Variants in DENND4A observed in about 807,000 individuals in gnomAD.
DENND4A encodes DENN domain containing 4A.
Under a neutral mutation model 199.3 loss-of-function variants are expected in DENND4A, and 70 were observed. The observed-to-expected ratio is 0.35, with a 90% confidence interval of 0.29 to 0.43. DENND4A has a LOEUF of 0.43. DENND4A is among the 20% of genes least tolerant of loss of function. The pLI is 1.00. For missense variants in DENND4A, 1,723 were observed against 2,255.8 expected, an observed-to-expected ratio of 0.76 and a Z score of 4.78; for synonymous variants, 686 against 766.9, an observed-to-expected ratio of 0.89 and a Z score of 1.74.
intron 23 of DENND4A, among the ~76,000 whole-genome samples, chr15:65,689,600 G>T (rs953642299): frequency 6.6e-6 from 1 of 152,156 alleles, no homozygotes; most frequent in Non-Finnish European, 1.5e-5. Context: ...TATTCCAACT[G>T]AGGCCCTCCT....
chr15:65,747,909 G>A (rs980760134), intron 4 of DENND4A, among the ~76,000 whole-genome samples: 16 of 151,254 alleles, frequency 1.1e-4, no homozygotes, highest in South Asian at 4.2e-4. Flanking sequence ...GCGTGGTGGC[G>A]CGCGCCTGTA....
chr15:65,681,678 C>T (rs556186577), intron 23 of DENND4A, among the ~76,000 whole-genome samples: 251 of 151,590 alleles, frequency 1.7e-3, no homozygotes, highest in African/African-American at 5.9e-3. Context: ...CAGATTCAAG[C>T]GATTCTCCCA....
rs376505993 is a variant in DENND4A at position 65,706,220 on chromosome 15, T to C, written c.1958A>G (p.Asp653Gly). The change falls in exon 15 of 33, where the codon GAT becomes GGT. Residue 653 changes from aspartate to glycine, a missense_variant. Asp to Gly is a moderately conservative substitution (Grantham distance 94). Coordinates refer to ENST00000443035, the MANE Select transcript of DENND4A (RefSeq NM_001320835.1). ...AFFDDCVDKV[D>G]MDKSGEVRLI... Reference sequence around the variant, plus strand: ...TCGTACTTCACCGCTCTTGTCCATATCCACCTAAAGGAGTTTTAAAAACAT... The same window carrying C: ...TCGTACTTCACCGCTCTTGTCCATACCCACCTAAAGGAGTTTTAAAAACAT... The C allele has an allele frequency of 1.3e-6, 2 of 1,557,494 alleles. No homozygotes were observed. Among genetic ancestry groups the C allele is most frequent in the East Asian group, 2.4e-5 (1 of 42,436 alleles).
At chr15:65,742,055 T>C (rs1323716383) in intron 4 of DENND4A, among the ~76,000 whole-genome samples, 2 of 152,228 alleles carry the variant, frequency 1.3e-5, no homozygotes, top group African/African-American at 2.4e-5. Flanking sequence ...CACAACCATT[T>C]AGATTTTATT....
intron 1 of DENND4A, among the ~76,000 whole-genome samples, chr15:65,770,922 C>T (rs1400708721): frequency 6.6e-6 from 1 of 152,140 alleles, no homozygotes; most frequent in Non-Finnish European, 1.5e-5. Flanking sequence ...TTTCTCAAGA[C>T]ATTTTAGTTA....
chr15:65,669,440 T>G (rs895513369), intron 27 of DENND4A, among the ~76,000 whole-genome samples: 14 of 152,344 alleles, frequency 9.2e-5, no homozygotes, highest in Admixed American at 7.2e-4. Flanking sequence ...AGTAGTAGTA[T>G]TGACTTAATT....
At chr15:65,687,003 A>G (rs2076807177) in intron 23 of DENND4A, among the ~76,000 whole-genome samples, 1 of 152,178 alleles carries the variant, frequency 6.6e-6, no homozygotes, top group African/African-American at 2.4e-5. Flanking sequence ...ATGCCTAGCC[A>G]AAGTCTGCCT....
chr15:65,672,887 C>T (rs2076259458), intron 24 of DENND4A, among the ~76,000 whole-genome samples: 1 of 146,286 alleles, frequency 6.8e-6, no homozygotes, highest in Admixed American at 6.8e-5. Context: ...TTTTTTGAGA[C>T]AGATCTCACT....
chr15:65,766,368 A>G (rs2076987154), intron 1 of DENND4A: 1 of 152,220 alleles, frequency 6.6e-6, no homozygotes, highest in Non-Finnish European at 1.5e-5. Context: ...ATTATACTTG[A>G]ACATAATTAA....
chr15:65,757,623 G>C (rs953124228), intron 2 of DENND4A, among the ~76,000 whole-genome samples: 1 of 152,120 alleles, frequency 6.6e-6, no homozygotes, highest in Non-Finnish European at 1.5e-5. Context: ...ACTTGGGTTT[G>C]GGGTTTGTAC....
At chr15:65,673,549 C>T (rs1006914746) in intron 24 of DENND4A, among the ~76,000 whole-genome samples, 2 of 142,960 alleles carry the variant, frequency 1.4e-5, no homozygotes, top group African/African-American at 5.2e-5. Flanking sequence ...GATGGGAAAA[C>T]ATGTTAAACA....
At chr15:65,741,033 A>G (rs1398813765) in intron 5 of DENND4A, among the ~76,000 whole-genome samples, 4 of 152,076 alleles carry the variant, frequency 2.6e-5, no homozygotes, top group African/African-American at 7.2e-5. Flanking sequence ...ATATAAATGT[A>G]TATGTATATA....
rs190097418 is a variant in DENND4A at position 65,732,724 on chromosome 15, C to T, written c.1107+28G>A. 300 of 1,415,294 alleles carry T rather than the reference C, an allele frequency of 2.1e-4. 2 individuals carry two copies. The African/African-American group carries it at 3.8e-3, about 18-fold the overall frequency. The allele number at this position is 1,415,294 out of a possible 1,614,324, so 87.7% of individuals were successfully genotyped here. A position where few individuals can be genotyped will look rare whatever the true frequency, so the allele number is the denominator to read the frequency against. On this transcript the variant is annotated intron_variant, in intron 8 of 32. Coordinates refer to ENST00000443035, the MANE Select transcript of DENND4A (RefSeq NM_001320835.1). ...ACAGAGCCAATAACAACTCATAGGT[C>T]CCCCAATCAAAAACAAAAAAACCTT...
intron 15 of DENND4A, among the ~76,000 whole-genome samples, chr15:65,705,596 C>T (rs1442603126): frequency 6.6e-6 from 1 of 152,040 alleles, no homozygotes; most frequent in African/African-American, 2.4e-5. Context: ...TCTAATAATT[C>T]TGAATTTCCA....
intron 24 of DENND4A, among the ~76,000 whole-genome samples, chr15:65,673,215 C>T (rs942144079): frequency 5.3e-5 from 8 of 151,414 alleles, no homozygotes; most frequent in African/African-American, 7.3e-5. Context: ...TGGTGGCCCA[C>T]GCCTGTAATC....
intron 1 of DENND4A, among the ~76,000 whole-genome samples, chr15:65,781,690 A>T (rs2437145): frequency 0.33 from 49,944 of 152,010 alleles, 9,475 homozygotes; most frequent in East Asian, 0.78. Flanking sequence ...ACAAGAAGAG[A>T]TGAAGTGAAG....
intron 27 of DENND4A, among the ~76,000 whole-genome samples, chr15:65,669,499 T>C (rs983453632): frequency 1.3e-5 from 2 of 152,196 alleles, no homozygotes; most frequent in African/African-American, 4.8e-5. Flanking sequence ...AAACCTCAAG[T>C]GTTCTACATT....
intron 1 of DENND4A, among the ~76,000 whole-genome samples, chr15:65,784,013 G>T (rs547257201): frequency 6.6e-6 from 1 of 152,090 alleles, no homozygotes; most frequent in African/African-American, 2.4e-5. Context: ...GGTGACCGAG[G>T]TTAACAATAT....
At chr15:65,721,543 T>C (rs1428542920) in intron 12 of DENND4A, among the ~76,000 whole-genome samples, 3 of 145,038 alleles carry the variant, frequency 2.1e-5, no homozygotes, top group African/African-American at 7.7e-5. Context: ...AGCATGGTGA[T>C]AAAGCATTGC....
Sources: allele counts gnomAD v4.1 joint callset (sites outside exome capture counted in the v4.1 genomes callset), GRCh38; gene constraint gnomAD v4.1.1; transcripts MANE v1.5; gene names NCBI Gene and HGNC (gene_info 2026-07-23, HGNC 2026-07-21).